The following PDE8B variants were observed in gnomAD, a reference collection of about 807,000 sequenced individuals.
PDE8B encodes the protein high affinity cAMP-specific and IBMX-insensitive 3',5'-cyclic phosphodiesterase 8B.
In PDE8B, 26 loss-of-function variants were observed where a neutral mutation model predicts 101.3. The observed-to-expected ratio is 0.26, with a 90% CI of 0.19 to 0.36. The LOEUF (loss-of-function observed/expected upper bound fraction) is 0.36. Among genes scored for constraint, PDE8B ranks in the 10% least tolerant of loss-of-function variants. PDE8B has a pLI of 1.00. For missense variants in PDE8B, 810 were observed against 1,163.1 expected (o/e 0.70, Z 4.42); for synonymous variants, 424 against 429.3 (o/e 0.99, Z 0.15).
intron 10 of PDE8B, among the ~76,000 whole-genome samples, chr5:77,397,843 C>G (rs1205531186): frequency 6.6e-6 from 1 of 152,104 alleles, no homozygotes; most frequent in Non-Finnish European, 1.5e-5. Context: ...AGCTGTTGCC[C>G]GTGACTGCTA....
intron 6 of PDE8B, among the ~76,000 whole-genome samples, chr5:77,341,777 G>T (rs527545809): frequency 6.6e-6 from 1 of 152,150 alleles, no homozygotes; most frequent in Non-Finnish European, 1.5e-5. Context: ...GACAAATTTG[G>T]TAGCAGTTTT....
chr5:77,250,367 C>T (rs1757831474), intron 1 of PDE8B, among the ~76,000 whole-genome samples: 1 of 152,192 alleles, frequency 6.6e-6, no homozygotes, highest in Admixed American at 6.5e-5. Flanking sequence ...TACTCCCTTC[C>T]CATTCTCCCT....
At chr5:77,247,224 C>T (rs554920457) in intron 1 of PDE8B, among the ~76,000 whole-genome samples, 24 of 152,320 alleles carry the variant, frequency 1.6e-4, no homozygotes, top group African/African-American at 5.8e-4. Context: ...GTCTCCAGCA[C>T]AGGCTCTGGT....
At chr5:77,313,461 G>T (rs956679744) in intron 2 of PDE8B, among the ~76,000 whole-genome samples, 1 of 152,086 alleles carries the variant, frequency 6.6e-6, no homozygotes. Context: ...CTCCAATTTT[G>T]AATAAAGGCA....
chr5:77,271,824 CATTCTACGG>C (rs548539398), intron 1 of PDE8B, among the ~76,000 whole-genome samples: 66 of 152,288 alleles, frequency 4.3e-4, no homozygotes, highest in African/African-American at 1.6e-3. Context: ...AGCCACTTCA[CATTCTACGG>C]ATGAGAAAAC....
chr5:77,337,589 A>G (rs544861686), intron 6 of PDE8B, among the ~76,000 whole-genome samples: 1 of 152,356 alleles, frequency 6.6e-6, no homozygotes, highest in South Asian at 2.1e-4. Flanking sequence ...TTTTTGCACA[A>G]TTAGATCGAG....
chr5:77,378,048 A>ACACACACACACACACC (rs1347483439), intron 10 of PDE8B, among the ~76,000 whole-genome samples: 1 of 93,952 alleles, frequency 1.1e-5, no homozygotes, highest in Non-Finnish European at 2.8e-5. Flanking sequence ...ACACACACAC[A>ACACACACACACACACC]CCCCCTGTTG....
the PDE8B span, among the ~76,000 whole-genome samples, chr5:77,156,094 A>G: frequency 6.6e-6 from 1 of 152,214 alleles, no homozygotes; most frequent in East Asian, 1.9e-4. Context: ...TATTTTGCTT[A>G]AGCTGATTTT....
chr5:77,272,800 G>A (rs551288358), intron 1 of PDE8B, among the ~76,000 whole-genome samples: 1 of 152,300 alleles, frequency 6.6e-6, no homozygotes, highest in Admixed American at 6.5e-5. Context: ...GTCCTAGCAA[G>A]AGCCATATGG....
At chr5:77,107,156 G>A in the PDE8B span, among the ~76,000 whole-genome samples, 1 of 152,076 alleles carries the variant, frequency 6.6e-6, no homozygotes, top group African/African-American at 2.4e-5. Flanking sequence ...GCAGTGTTTG[G>A]TTTTCTGTCC....
chr5:77,102,806 T>G, the PDE8B span, among the ~76,000 whole-genome samples: 2 of 152,214 alleles, frequency 1.3e-5, no homozygotes. Context: ...CCTAGGCTCC[T>G]GTGTTCCCTG....
chr5:77,203,724 C>A, the PDE8B span, among the ~76,000 whole-genome samples: 1 of 152,148 alleles, frequency 6.6e-6, no homozygotes, highest in African/African-American at 2.4e-5. Flanking sequence ...TCCCAAACTC[C>A]ATAGAAATAG....
chr5:77,114,680 A>G, the PDE8B span: 1 of 152,252 alleles, frequency 6.6e-6, no homozygotes, highest in African/African-American at 2.4e-5. Context: ...AGATTTAAAC[A>G]TTTTAAAATC....
At chr5:77,154,554 C>T in the PDE8B span, among the ~76,000 whole-genome samples, 1 of 152,242 alleles carries the variant, frequency 6.6e-6, no homozygotes, top group Non-Finnish European at 1.5e-5. Flanking sequence ...GGCCTGCCCA[C>T]ATCCCCTGCA....
At chr5:77,203,495 TG>T in the PDE8B span, among the ~76,000 whole-genome samples, 2 of 152,214 alleles carry the variant, frequency 1.3e-5, no homozygotes, top group African/African-American at 4.8e-5. Flanking sequence ...CATGTTCTCA[TG>T]GCATCATGGC....
At chr5:77,368,043 GT>G (rs1364254517) in intron 10 of PDE8B, among the ~76,000 whole-genome samples, 1 of 152,232 alleles carries the variant, frequency 6.6e-6, no homozygotes, top group Non-Finnish European at 1.5e-5. Context: ...TAAGAGATAA[GT>G]TGGAAAACAT....
intron 20 of PDE8B, 36 bp downstream of exon 20, chr5:77,422,024 C>T: frequency 2.5e-6 from 4 of 1,596,040 alleles, no homozygotes; most frequent in Non-Finnish European, 3.4e-6. Flanking sequence ...CACTTCCCCT[C>T]TGGGAATGGG....
the PDE8B span, among the ~76,000 whole-genome samples, chr5:77,161,293 A>G: frequency 2.0e-5 from 3 of 152,232 alleles, no homozygotes; most frequent in African/African-American, 7.2e-5. Context: ...ATGAAATAAT[A>G]TAATACATAC....
the PDE8B span, among the ~76,000 whole-genome samples, chr5:77,174,244 C>T: frequency 1.6e-3 from 241 of 152,292 alleles, no homozygotes; most frequent in Non-Finnish European, 3.0e-3. Context: ...CTCAAAACTT[C>T]TCCCTCTCAG....
Sources: gnomAD v4.1 joint callset for allele counts (sites outside exome capture counted in the v4.1 genomes callset) on GRCh38, gnomAD v4.1.1 for gene constraint, MANE v1.5 for transcripts, NCBI Gene and HGNC (gene_info 2026-07-23, HGNC 2026-07-21) for gene names.